Variants in ANKS1B observed in about 807,000 individuals in gnomAD.
ANKS1B encodes ankyrin repeat and sterile alpha motif domain-containing protein 1B.
ANKS1B carries 36 observed loss-of-function variants against 148.3 expected under a neutral mutation model. The ratio of observed to expected loss-of-function variants is 0.24; its 90% CI spans 0.19 to 0.32. The LOEUF (loss-of-function observed/expected upper bound fraction) is 0.32, where lower values mean the gene tolerates loss of function less well. Among genes scored for constraint, ANKS1B ranks in the 10% least tolerant of loss-of-function variants. ANKS1B has a pLI of 1.00. For missense variants in ANKS1B, 1,157 were observed against 1,542.6 expected, an observed-to-expected ratio of 0.75 and a Z score of 4.19; for synonymous variants, 542 against 560.8, an observed-to-expected ratio of 0.97 and a Z score of 0.47.
intron 9 of ANKS1B, among the ~76,000 whole-genome samples, chr12:99,608,108 T>A (rs1464590299): frequency 6.6e-6 from 1 of 152,102 alleles, no homozygotes; most frequent in Admixed American, 6.6e-5. Flanking sequence ...CATCCCATAG[T>A]TGGGTCATAC....
At chr12:99,196,359 CT>C (rs1327140028) in intron 14 of ANKS1B, among the ~76,000 whole-genome samples, 2 of 152,096 alleles carry the variant, frequency 1.3e-5, no homozygotes, top group African/African-American at 4.8e-5. Context: ...AAGCATCTGA[CT>C]TTTTTCAATG....
rs543510578 is a variant in ANKS1B, at chr12:99,443,236, A to G, written c.1575+437T>C. On this transcript the variant is annotated intron_variant, in intron 11 of 26. Coordinates refer to ENST00000683438, the MANE Select transcript of ANKS1B (RefSeq NM_001352186.2). ...AACGCAGACAATATTCATTGAAACC[A>G]TAAGAATAGAGAAGATAGAGAAATA... Among the ~76,000 whole-genome samples, 123 of 152,114 alleles carry G rather than the reference A, an allele frequency of 8.1e-4. No homozygotes were observed. In the South Asian group the frequency reaches 0.017, roughly 21 times the overall value.
chr12:99,914,917 T>A (rs1304692321), intron 1 of ANKS1B, among the ~76,000 whole-genome samples: 1 of 151,808 alleles, frequency 6.6e-6, no homozygotes, highest in Non-Finnish European at 1.5e-5. Context: ...GTAACTAGGG[T>A]CAGGTCCTAC....
At chr12:98,844,119 C>A (rs2099429236) in intron 17 of ANKS1B, among the ~76,000 whole-genome samples, 1 of 152,184 alleles carries the variant, frequency 6.6e-6, no homozygotes. Context: ...AAGAGCAGGG[C>A]TTGGTGTCAG....
intron 12 of ANKS1B, among the ~76,000 whole-genome samples, chr12:99,316,717 T>C (rs1430929070): frequency 3.3e-5 from 5 of 152,340 alleles, no homozygotes; most frequent in Admixed American, 6.5e-5. Context: ...CCATTGCTTT[T>C]GGTGTTTTAG....
intron 9 of ANKS1B, among the ~76,000 whole-genome samples, chr12:99,588,965 C>A (rs1239584798): frequency 2.0e-5 from 3 of 152,184 alleles, no homozygotes; most frequent in Non-Finnish European, 2.9e-5. Context: ...AAAATTAAGA[C>A]AATCTCTGGA....
At chr12:99,439,113 A>T (rs1460210946) in intron 11 of ANKS1B, among the ~76,000 whole-genome samples, 2 of 151,674 alleles carry the variant, frequency 1.3e-5, no homozygotes, top group African/African-American at 2.4e-5. Flanking sequence ...GTAAATAACA[A>T]TTTTTTTCCT....
At chr12:98,881,916 T>C (rs2099709027) in intron 17 of ANKS1B, among the ~76,000 whole-genome samples, 1 of 152,136 alleles carries the variant, frequency 6.6e-6, no homozygotes, top group Admixed American at 6.5e-5. Context: ...TTTCTTGGCA[T>C]ATATGAAGAA....
In ANKS1B at chr12:98,872,394, C is replaced by A. The variant is rs561994236; in HGVS notation, c.2779-40258G>T. On this transcript the variant is annotated intron_variant, in intron 17 of 26. Transcript: ENST00000683438. Reference sequence around the variant, plus strand: ...TCTCTACTAAAAATACAAAAATTAGCTGGGCATGGTGGCGTGTGCCTGTAA... The same window carrying A: ...TCTCTACTAAAAATACAAAAATTAGATGGGCATGGTGGCGTGTGCCTGTAA... Among the ~76,000 whole-genome samples the A allele has an allele frequency of 2.6e-4, 39 of 152,248 alleles. 1 individual carries two copies. Among genetic ancestry groups the A allele is most frequent in the African/African-American group, 8.4e-4 (35 of 41,552 alleles).
intron 4 of ANKS1B, among the ~76,000 whole-genome samples, chr12:99,796,603 G>A (rs1250841756): frequency 6.6e-6 from 1 of 151,618 alleles, no homozygotes. Context: ...CATGTTGTGT[G>A]GGAAAAATTA....
intron 10 of ANKS1B, among the ~76,000 whole-genome samples, chr12:99,504,143 T>C (rs943180193): frequency 2.6e-5 from 4 of 152,126 alleles, no homozygotes; most frequent in African/African-American, 7.2e-5. Context: ...CAGAAAATGA[T>C]ACAAAAATTG....
At chr12:98,748,548 C>T (rs2097963213) in intron 26 of ANKS1B, among the ~76,000 whole-genome samples, 1 of 152,196 alleles carries the variant, frequency 6.6e-6, no homozygotes, top group Non-Finnish European at 1.5e-5. Context: ...TTCTCTGGCA[C>T]CATGAGCTTT....
intron 17 of ANKS1B, among the ~76,000 whole-genome samples, chr12:98,969,869 C>A (rs1343748756): frequency 1.3e-5 from 2 of 152,216 alleles, no homozygotes; most frequent in African/African-American, 2.4e-5. Context: ...TTCTATCTAA[C>A]TACATAGCCA....
chr12:99,486,455 C>CTTATTTATTTATTTAT (rs145790526), intron 10 of ANKS1B, among the ~76,000 whole-genome samples: 1 of 146,844 alleles, frequency 6.8e-6, no homozygotes, highest in Non-Finnish European at 1.5e-5. Context: ...ATGGCATGTG[C>CTTATTTATTTATTTAT]TTATTTATTT....
At chr12:98,973,213 C>CAA (rs534303391) in intron 17 of ANKS1B, among the ~76,000 whole-genome samples, 55 of 103,042 alleles carry the variant, frequency 5.3e-4, no homozygotes, top group East Asian at 5.3e-3. Context: ...AAACGAAATG[C>CAA]AAAAAAAAAA....
intron 1 of ANKS1B, among the ~76,000 whole-genome samples, chr12:99,908,719 C>A (rs186065802): frequency 6.6e-6 from 1 of 152,200 alleles, no homozygotes; most frequent in African/African-American, 2.4e-5. Flanking sequence ...TCGGTCTCTG[C>A]TGAAATATTA....
intron 17 of ANKS1B, among the ~76,000 whole-genome samples, chr12:99,049,608 C>T (rs1275445171): frequency 1.3e-5 from 2 of 151,964 alleles, no homozygotes; most frequent in African/African-American, 4.8e-5. Flanking sequence ...GAAATTAAAT[C>T]AACAACATTG....
chr12:99,871,857 G>A (rs2091557072), intron 1 of ANKS1B, among the ~76,000 whole-genome samples: 1 of 152,086 alleles, frequency 6.6e-6, no homozygotes, highest in African/African-American at 2.4e-5. Flanking sequence ...CACCAGCAAG[G>A]AGAGACAGTT....
intron 15 of ANKS1B, among the ~76,000 whole-genome samples, chr12:99,113,635 A>G (rs2060739592): frequency 6.6e-6 from 1 of 152,234 alleles, no homozygotes; most frequent in South Asian, 2.1e-4. Flanking sequence ...AGTCAGGTTT[A>G]TTTCACCTCT....
Sources: allele counts gnomAD v4.1 joint callset (sites outside exome capture counted in the v4.1 genomes callset), GRCh38; gene constraint gnomAD v4.1.1; transcripts MANE v1.5; gene names NCBI Gene and HGNC (gene_info 2026-07-23, HGNC 2026-07-21).